PRC1: variants seen among roughly 807,000 people sequenced by gnomAD.
The protein encoded by PRC1 is protein regulator of cytokinesis 1.
A neutral mutation model predicts 91.2 loss-of-function variants in PRC1; 54 were observed. The observed-to-expected ratio is 0.59, with a 90% CI of 0.48 to 0.74. The LOEUF is 0.74. PRC1 is among the 30% of genes least tolerant of loss of function. The pLI is 0.00. For synonymous variants in PRC1, 275 were observed against 263.6 expected, an observed-to-expected ratio of 1.04 and a Z score of -0.42; for missense variants, 727 against 746.2, an observed-to-expected ratio of 0.97 and a Z score of 0.30.
At position 90,974,364 on chromosome 15, in the gene PRC1, G is replaced by A; in HGVS notation, c.1351-118C>T. 1 of 1,088,660 alleles carries A rather than the reference G, an allele frequency of 9.2e-7. No individual in the cohort carries two copies. The highest frequency in any genetic ancestry group is 1.5e-5 in the South Asian group (1 of 68,790). 67.4% of individuals were successfully genotyped at this position (1,088,660 alleles called of 1,614,324 possible). A position where few individuals can be genotyped will look rare whatever the true frequency, so the allele number is the denominator to read the frequency against. ...TCTCTACAGCCAGAGCTAAAGAGCT[G>A]CCGCGGGCTCCCCGTTCCACAAGCC... is the stretch of plus-strand genomic sequence containing the variant. On this transcript the variant is annotated intron_variant, in intron 10 of 14. Coordinates refer to ENST00000394249, the MANE Select transcript of PRC1 (RefSeq NM_003981.4). This position sits in a 1 kb window ranked among gnomAD's most constrained non-coding sequence, Gnocchi z 4.6.
At position 90,970,529 on chromosome 15, in the gene PRC1, A is replaced by C; in HGVS notation, c.1462-15T>G. 1 of 1,553,828 alleles carries C rather than the reference A, an allele frequency of 6.4e-7. No homozygotes were observed. The highest frequency in any genetic ancestry group is 8.9e-7 in the Non-Finnish European group (1 of 1,125,670). Reference sequence around the variant, plus strand: ...GTAGTGTTCAGCTAGGGAGAAGAGCACGTGGGTAACTGATGTGCAGTAACA... The same window carrying C: ...GTAGTGTTCAGCTAGGGAGAAGAGCCCGTGGGTAACTGATGTGCAGTAACA... On this transcript the variant is annotated splice_polypyrimidine_tract_variant and intron_variant, in intron 11 of 14. Coordinates refer to ENST00000394249, the MANE Select transcript of PRC1 (RefSeq NM_003981.4).
At chr15:90,970,347 T>C (rs1432983102) in intron 12 of PRC1, 57 bp downstream of exon 12, 1 of 1,308,978 alleles carries the variant, frequency 7.6e-7, no homozygotes, top group Non-Finnish European at 1.1e-6. Context: ...GTGGGGCCTC[T>C]GGGTGAACAG....
rs1368217941 is a variant in PRC1 at position 90,966,119 on chromosome 15, G to A, written c.*1012C>T. On this transcript the variant is annotated 3_prime_UTR_variant, in exon 15 of 15. Transcript: ENST00000394249. Reference sequence around the variant, plus strand: ...TTTAAAAACAGGACACGTACTGTATGAGTAAACAGCGTGGCTAACACCAAG... The same window carrying A: ...TTTAAAAACAGGACACGTACTGTATAAGTAAACAGCGTGGCTAACACCAAG... The A allele has an allele frequency of 1.9e-5, 3 of 155,040 alleles. No homozygotes were observed. The highest frequency in any genetic ancestry group is 4.8e-5 in the African/African-American group (2 of 41,488). 9.6% of individuals were successfully genotyped at this position (155,040 alleles called of 1,614,324 possible). A position where few individuals can be genotyped will look rare whatever the true frequency, so the allele number is the denominator to read the frequency against.
intron 12 of PRC1, among the ~76,000 whole-genome samples, 172 bp downstream of exon 12, chr15:90,970,232 C>G (rs1051342026): frequency 6.6e-6 from 1 of 152,004 alleles, no homozygotes; most frequent in South Asian, 2.1e-4. Context: ...TTTTTTTGCA[C>G]GTTAGTTTTG....
At position 90,994,520 on chromosome 15, in the gene PRC1, C is replaced by T. The variant is rs1829152434; in HGVS notation, c.-103G>A. The T allele has an allele frequency of 2.1e-6, 3 of 1,417,318 alleles. No homozygotes were observed. The highest frequency in any genetic ancestry group is 2.8e-6 in the Non-Finnish European group (3 of 1,070,662). The allele number at this position is 1,417,318 out of a possible 1,614,324, so 87.8% of individuals were successfully genotyped here. A position where few individuals can be genotyped will look rare whatever the true frequency, so the allele number is the denominator to read the frequency against. Reference sequence around the variant, plus strand: ...CACCGGCGATGTCACTCCGCGTAGCCGCTCCGCGAGCCGTTGAGCCCCGCA... The same window carrying T: ...CACCGGCGATGTCACTCCGCGTAGCTGCTCCGCGAGCCGTTGAGCCCCGCA... On this transcript the variant is annotated 5_prime_UTR_variant, in exon 1 of 15. Coordinates refer to ENST00000394249, the MANE Select transcript of PRC1 (RefSeq NM_003981.4).
At chr15:90,991,073 G>C (rs921148745) in intron 1 of PRC1, among the ~76,000 whole-genome samples, 1 of 151,068 alleles carries the variant, frequency 6.6e-6, no homozygotes, top group Non-Finnish European at 1.5e-5. Flanking sequence ...CACTGTGCCC[G>C]GCCCATAATC....
At chr15:90,983,994 G>C in intron 3 of PRC1, 24 bp downstream of exon 3, 1 of 1,613,154 alleles carries the variant, frequency 6.2e-7, no homozygotes, top group Non-Finnish European at 8.5e-7. Flanking sequence ...CAGATCACCA[G>C]AGACCCTGTG....
intron 1 of PRC1, among the ~76,000 whole-genome samples, chr15:90,993,810 CGGT>C (rs2040122467): frequency 6.6e-6 from 1 of 152,154 alleles, no homozygotes; most frequent in South Asian, 2.1e-4. Flanking sequence ...GGGCCGGGCA[CGGT>C]GGCTCACGCC....
intron 11 of PRC1, among the ~76,000 whole-genome samples, chr15:90,973,774 T>C (rs1157849945): frequency 6.6e-6 from 1 of 152,122 alleles, no homozygotes; most frequent in African/African-American, 2.4e-5. Flanking sequence ...GCACAGTACC[T>C]TCCCTTGAAC....
chr15:90,968,539 A>G (rs2151411647), intron 14 of PRC1: 2 of 991,274 alleles, frequency 2.0e-6, no homozygotes, highest in Non-Finnish European at 2.4e-6. Context: ...GGAAGTGAAG[A>G]GCATTCTGGA....
Position 90,977,476 on chromosome 15 carries a change from A to G in PRC1, c.1108-705T>C, listed in dbSNP as rs977420912. Among the ~76,000 whole-genome samples the G allele has an allele frequency of 4.6e-5, 7 of 152,054 alleles. No homozygotes were observed. The East Asian group carries it at 1.3e-3, about 29-fold the overall frequency. ...CCTTCCATACTGCTTGATTGGTGACAGCCAATAGTTACTAGAGAGGATGGT... is the reference window on the plus strand; with the variant it reads ...CCTTCCATACTGCTTGATTGGTGACGGCCAATAGTTACTAGAGAGGATGGT... On this transcript the variant is annotated intron_variant, in intron 8 of 14. Transcript: ENST00000394249.
At chr15:90,969,975 T>A (rs913016034) in intron 12 of PRC1, among the ~76,000 whole-genome samples, 1 of 152,220 alleles carries the variant, frequency 6.6e-6, no homozygotes, top group South Asian at 2.1e-4. Context: ...ATCTTGAGCA[T>A]AGTCTAATAA....
At chr15:90,968,564 G>C in intron 14 of PRC1, 1 of 990,368 alleles carries the variant, frequency 1.0e-6, no homozygotes, top group Non-Finnish European at 1.2e-6. Context: ...CTTGCTTCCA[G>C]TGCTTCATCT....
At chr15:90,969,260 C>A in intron 13 of PRC1, 140 bp from the exon 14 acceptor site, 2 of 1,202,624 alleles carry the variant, frequency 1.7e-6, no homozygotes, top group South Asian at 1.4e-5. Context: ...GTTGCTGCTG[C>A]CAACTTCCTT....
chr15:90,989,412 ATTTTTTTTTT>A (rs58512103), intron 1 of PRC1, among the ~76,000 whole-genome samples: 1 of 118,486 alleles, frequency 8.4e-6, no homozygotes, highest in South Asian at 2.9e-4. Flanking sequence ...TGCTTGGCTA[ATTTTTTTTTT>A]TTTTTTTTTT....
At chr15:90,990,801 C>CAA (rs1274874561) in intron 1 of PRC1, among the ~76,000 whole-genome samples, 3 of 150,816 alleles carry the variant, frequency 2.0e-5, no homozygotes, top group Non-Finnish European at 4.4e-5. Context: ...TTTTTTGAGA[C>CAA]AGAGTCTCAG....
chr15:90,981,323 GTTT>G (rs997925291), intron 5 of PRC1, 173 bp downstream of exon 5: 52 of 762,876 alleles, frequency 6.8e-5, no homozygotes, highest in Middle Eastern at 3.8e-4. Flanking sequence ...CCATATAAAG[GTTT>G]TTTAACTGTT....
At chr15:90,981,178 A>C in intron 5 of PRC1, 145 bp from the exon 6 acceptor site, 1 of 1,087,032 alleles carries the variant, frequency 9.2e-7, no homozygotes, top group Non-Finnish European at 1.3e-6. Context: ...CCTCCTAAAC[A>C]CGAGCTGTAA....
At chr15:90,991,024 G>A (rs980631975) in intron 1 of PRC1, among the ~76,000 whole-genome samples, 24 of 151,020 alleles carry the variant, frequency 1.6e-4, no homozygotes, top group African/African-American at 5.3e-4. Flanking sequence ...TGATCCGACC[G>A]CCTCGGCCTC....
Sources: allele counts gnomAD v4.1 joint callset (sites outside exome capture counted in the v4.1 genomes callset), GRCh38; gene constraint gnomAD v4.1.1; non-coding constraint Gnocchi (gnomAD v3.1); transcripts MANE v1.5; gene names NCBI Gene and HGNC (gene_info 2026-07-23, HGNC 2026-07-21).